Variants in ALMS1 observed in about 807,000 individuals in gnomAD.
ALMS1 encodes the protein ALMS1 centrosome and basal body associated protein, also known as centrosome-associated protein ALMS1.
Under a neutral mutation model 352.2 loss-of-function variants are expected in ALMS1, and 271 were observed. The observed-to-expected ratio is 0.77, with a 90% CI of 0.70 to 0.85. ALMS1 has a LOEUF of 0.85. Ranked by LOEUF, ALMS1 falls within the 40% of genes least tolerant of loss-of-function variation. ALMS1 has a pLI of 0.00. For missense variants in ALMS1, 5,445 were observed against 4,870.7 expected (o/e 1.12, Z -3.51); for synonymous variants, 1,865 against 1,761.2 (o/e 1.06, Z -1.48).
chr2:73,608,372 TG>T, intron 21 of ALMS1, 102 bp from the exon 22 acceptor site: 1 of 921,250 alleles, frequency 1.1e-6, no homozygotes, highest in Non-Finnish European at 1.8e-6. Context: ...GATGAGCTCC[TG>T]GAGAGTGGGA....
At chr2:73,505,223 G>A (rs1673296675) in intron 10 of ALMS1, among the ~76,000 whole-genome samples, 5 of 152,044 alleles carry the variant, frequency 3.3e-5, no homozygotes, top group Non-Finnish European at 2.9e-5. Flanking sequence ...ATTTATAATC[G>A]TTGGGGTATA....
intron 1 of ALMS1, among the ~76,000 whole-genome samples, chr2:73,406,022 ATG>A (rs1281999773): frequency 6.6e-6 from 1 of 152,114 alleles, no homozygotes; most frequent in South Asian, 2.1e-4. Flanking sequence ...TGTTCTGTAT[ATG>A]TATGTTAGGT....
rs1060500039 is a variant in ALMS1, at chr2:73,453,771, C to A, written c.7244C>A (p.Ser2415Ter). The A allele has an allele frequency of 6.2e-7, 1 of 1,614,056 alleles. No homozygotes were observed. Among genetic ancestry groups the A allele is most frequent in the Non-Finnish European group, 8.5e-7 (1 of 1,180,010 alleles). ...ATGATGACTGTCATAAAAAGTGATT[C>A]AAGTAGTGATGCCAGTGATGGAAAT... ...IPMMTVIKSD[S>*]SSDASDGNGS... The change falls in exon 8 of 23, where the codon TCA (serine) becomes TAA (stop). Residue 2415 changes from serine to a stop codon, truncating the protein, a stop_gained. Coordinates refer to ENST00000613296, the MANE Select transcript of ALMS1 (RefSeq NM_001378454.1). LOFTEE classifies it high-confidence loss of function.
chr2:73,552,983 C>G lies in ALMS1; in HGVS notation c.10078+2546C>G, dbSNP rs193250374. Among the ~76,000 whole-genome samples, 86 of 151,428 alleles carry G rather than the reference C, an allele frequency of 5.7e-4. 1 individual carries two copies. Among genetic ancestry groups the G allele is most frequent in the African/African-American group, 2.0e-3 (82 of 41,296 alleles). On this transcript the variant is annotated intron_variant, in intron 13 of 22. Transcript: ENST00000613296. ...TATTCTGTAAAGACAATAGAGAAGG[C>G]AAAAAAGAAAGAACCAAAGGACTAG...
chr2:73,564,842 T>C (rs766907209), intron 15 of ALMS1, among the ~76,000 whole-genome samples: 4 of 152,212 alleles, frequency 2.6e-5, no homozygotes, highest in Admixed American at 6.5e-5. Flanking sequence ...ACCTTGATAA[T>C]GAGTTTGGGG....
chr2:73,405,974 C>G (rs1284129817), intron 1 of ALMS1, among the ~76,000 whole-genome samples: 1 of 152,174 alleles, frequency 6.6e-6, no homozygotes, highest in African/African-American at 2.4e-5. Flanking sequence ...TTCACGTGCA[C>G]TTGAGAAGAA....
intron 11 of ALMS1, among the ~76,000 whole-genome samples, chr2:73,528,572 G>A (rs1285224165): frequency 6.6e-6 from 1 of 151,898 alleles, no homozygotes; most frequent in Non-Finnish European, 1.5e-5. Context: ...ATTTGCGTGG[G>A]ATATCTTTTT....
At chr2:73,497,651 T>A (rs1275032846) in intron 10 of ALMS1, among the ~76,000 whole-genome samples, 2 of 152,110 alleles carry the variant, frequency 1.3e-5, no homozygotes, top group Non-Finnish European at 2.9e-5. Context: ...GGCACTTAGG[T>A]TTTTATGAGT....
intron 12 of ALMS1, among the ~76,000 whole-genome samples, chr2:73,541,031 A>G (rs1428298301): frequency 6.6e-6 from 1 of 152,238 alleles, no homozygotes; most frequent in African/African-American, 2.4e-5. Flanking sequence ...CCTAACAGAC[A>G]TCTACAGAAC....
intron 9 of ALMS1, among the ~76,000 whole-genome samples, chr2:73,468,741 G>T (rs1672408968): frequency 6.6e-6 from 1 of 151,996 alleles, no homozygotes; most frequent in South Asian, 2.1e-4. Flanking sequence ...GTTGTAGACA[G>T]TATATAGTTG....
At chr2:73,587,180 A>G (rs1446585869) in intron 16 of ALMS1, among the ~76,000 whole-genome samples, 1 of 152,130 alleles carries the variant, frequency 6.6e-6, no homozygotes, top group Non-Finnish European at 1.5e-5. Flanking sequence ...TTTTTGAATG[A>G]GTCTTTAGGA....
chr2:73,480,430 A>G (rs1672674114), intron 9 of ALMS1, among the ~76,000 whole-genome samples: 1 of 152,202 alleles, frequency 6.6e-6, no homozygotes, highest in African/African-American at 2.4e-5. Context: ...GCTGCATAGT[A>G]TTCCATGGTG....
At chr2:73,535,685 G>C (rs888390761) in intron 12 of ALMS1, among the ~76,000 whole-genome samples, 1 of 152,162 alleles carries the variant, frequency 6.6e-6, no homozygotes, top group East Asian at 1.9e-4. Flanking sequence ...TGCAGAGTTA[G>C]GAAATGAATA....
chr2:73,439,078 T>TTTTCTTC (rs972351551), intron 7 of ALMS1, among the ~76,000 whole-genome samples: 1 of 150,988 alleles, frequency 6.6e-6, no homozygotes, highest in African/African-American at 2.4e-5. Context: ...TCTTCCTCTT[T>TTTTCTTC]TTTCTTCTTT....
chr2:73,534,713 A>C, intron 11 of ALMS1, 111 bp from the exon 12 acceptor site: 1 of 1,188,440 alleles, frequency 8.4e-7, no homozygotes, highest in Non-Finnish European at 1.2e-6. Context: ...TTGTTTACTC[A>C]TAAATTCCAA....
intron 14 of ALMS1, among the ~76,000 whole-genome samples, chr2:73,557,678 G>A (rs375955441): frequency 6.6e-6 from 1 of 152,006 alleles, no homozygotes; most frequent in East Asian, 1.9e-4. Context: ...TGTGAGACAC[G>A]GACCCTCTAA....
Position 73,563,263 on chromosome 2 carries a change from A to G in ALMS1, c.10384+4121A>G, listed in dbSNP as rs867843579. On this transcript the variant is annotated intron_variant, in intron 15 of 22. Coordinates refer to ENST00000613296, the MANE Select transcript of ALMS1 (RefSeq NM_001378454.1). The stretch of plus-strand genomic sequence containing the variant: ...CATTAATATAGATGAGGTTAAATTC[A>G]CCAAAAGTTTTGCAGGAATTGAAGA... 3.3e-5 allele frequency among the ~76,000 whole-genome samples: 5 copies of G among 152,194 alleles called. No individual in the cohort carries two copies. In the South Asian group the frequency reaches 1.0e-3, roughly 31 times the overall value.
intron 11 of ALMS1, among the ~76,000 whole-genome samples, chr2:73,521,018 TATACCTAAATGTAAAGAA>T (rs1259642571): frequency 1.2e-4 from 18 of 152,208 alleles, no homozygotes; most frequent in Non-Finnish European, 2.5e-4. Context: ...GTAGATGGAA[TATACCTAAATGTAAAGAA>T]AATTGTTTAG....
Position 73,391,294 on chromosome 2 carries a change from C to CTTTTT in ALMS1, c.324+5115_324+5119dup, listed in dbSNP as rs397972016. Among the ~76,000 whole-genome samples, 4 of 114,990 alleles carry CTTTTT rather than the reference C, an allele frequency of 3.5e-5. 1 individual carries two copies. The highest frequency in any genetic ancestry group is 1.6e-4 in the African/African-American group (4 of 24,454). 75.4% of individuals were successfully genotyped at this position (114,990 alleles called of 152,430 possible). On this transcript the variant is annotated intron_variant, in intron 1 of 22. Transcript: ENST00000613296. ...TTAACCTATTCATATACGTTTTATT[C>CTTTTT]TTTTTTTTTTTTTTTTTGAGACGGA... is the stretch of plus-strand genomic sequence containing the variant.
Sources: gnomAD v4.1 joint callset for allele counts (sites outside exome capture counted in the v4.1 genomes callset) on GRCh38, gnomAD v4.1.1 for gene constraint, MANE v1.5 for transcripts, NCBI Gene and HGNC (gene_info 2026-07-23, HGNC 2026-07-21) for gene names.